Variants in NUBP1 observed in about 807,000 individuals in gnomAD.
NUBP1 encodes NUBP iron-sulfur cluster assembly factor 1, cytosolic, also known as cytosolic Fe-S cluster assembly factor NUBP1.
Under a neutral mutation model 41.8 loss-of-function variants are expected in NUBP1, and 46 were observed. The observed-to-expected ratio is 1.10, with a 90% CI of 0.87 to 1.41. NUBP1 has a LOEUF of 1.41. Among genes scored for constraint, NUBP1 ranks in the 40% most tolerant of loss-of-function variants. The pLI is 0.00. For missense variants in NUBP1, 494 were observed against 414.0 expected (o/e 1.19, Z -1.68); for synonymous variants, 189 against 154.6 (o/e 1.22, Z -1.65).
chr16:10,744,372 A>G (rs1222224809), intron 2 of NUBP1, among the ~76,000 whole-genome samples: 1 of 152,190 alleles, frequency 6.6e-6, no homozygotes, highest in Non-Finnish European at 1.5e-5. Context: ...TCGGGGCCAG[A>G]GGTTTGAGTG....
chr16:10,761,196 G>T, intron 7 of NUBP1, 168 bp from the exon 8 acceptor site: 1 of 563,820 alleles, frequency 1.8e-6, no homozygotes, highest in Non-Finnish European at 3.2e-6. Context: ...GGGGATTACA[G>T]TTCGAGCTGA....
Position 10,767,005 on chromosome 16 carries a change from G to A in NUBP1, c.821-944G>A, listed in dbSNP as rs567021035. ...ACCCCTCCCCACAGGCTTCTTCCCC[G>A]ACTTGGACTTCCCTGTCCCACAGGG... is the stretch of plus-strand genomic sequence containing the variant. On this transcript the variant is annotated intron_variant, in intron 9 of 10. Transcript: ENST00000283027. The surrounding 1 kb of genome is among the most constrained non-coding windows in gnomAD (Gnocchi z 4.6). 17 of 398,666 alleles carry A rather than the reference G, an allele frequency of 4.3e-5. No homozygotes were observed. The highest frequency in any genetic ancestry group is 2.5e-4 in the South Asian group (2 of 7,848). The allele number at this position is 398,666 out of a possible 1,614,324, so 24.7% of individuals were successfully genotyped here. A position where few individuals can be genotyped will look rare whatever the true frequency, so the allele number is the denominator to read the frequency against.
In NUBP1 at chr16:10,757,909, G is replaced by T; in HGVS notation, c.488G>T (p.Gly163Val). The change falls in exon 7 of 11, where the codon GGA becomes GTA. Residue 163 changes from glycine to valine, a missense_variant. Gly to Val is a moderately radical substitution (Grantham distance 109). Transcript: ENST00000283027. The surrounding 1 kb of genome is among the most constrained non-coding windows in gnomAD (Gnocchi z 4.1). ...CAGTTCCTCCGAGATGTGGACTGGG[G>T]AGAGGTCGACTACCTCATTGTGGAC... ...IKQFLRDVDWGEVDYLIVDTP... is the reference protein window; with the variant it reads ...IKQFLRDVDWVEVDYLIVDTP... 3 of 1,614,134 alleles carry T rather than the reference G, an allele frequency of 1.9e-6. No homozygotes were observed. Among genetic ancestry groups the T allele is most frequent in the Non-Finnish European group, 2.5e-6 (3 of 1,180,034 alleles).
rs777891618 is a variant in NUBP1, at chr16:10,759,330, C to G, written c.606+1303C>G. ...AAATGGTGCAAGATTCATGTCCACC[C>G]TGGCATCCTGCAGAGAGGGGACATG... is the stretch of plus-strand genomic sequence containing the variant. On this transcript the variant is annotated intron_variant, in intron 7 of 10. Coordinates refer to ENST00000283027, the MANE Select transcript of NUBP1 (RefSeq NM_002484.4). The surrounding 1 kb of genome is among the most constrained non-coding windows in gnomAD (Gnocchi z 4.7). Among the ~76,000 whole-genome samples the G allele has an allele frequency of 6.6e-6, 1 of 152,204 alleles. No individual in the cohort carries two copies. Among genetic ancestry groups the G allele is most frequent in the African/African-American group, 2.4e-5 (1 of 41,450 alleles).
At chr16:10,761,580 G>A in intron 8 of NUBP1, 106 bp downstream of exon 8, 2 of 1,101,760 alleles carry the variant, frequency 1.8e-6, no homozygotes, top group East Asian at 2.5e-5. Flanking sequence ...TGTCATTTTG[G>A]GAAGTGGAAT....
Position 10,758,036 on chromosome 16 carries a change from G to C in NUBP1, c.606+9G>C, listed in dbSNP as rs201743675. ...TCATCACCACTCCCCAGGTGAGCGA[G>C]CTGCCAGCTGGAGCTGGGTCCAAAC... On this transcript the variant is annotated intron_variant, in intron 7 of 10. Transcript: ENST00000283027. 1 of 1,610,830 alleles carries C rather than the reference G, an allele frequency of 6.2e-7. No individual in the cohort carries two copies. Among genetic ancestry groups the C allele is most frequent in the Non-Finnish European group, 8.5e-7 (1 of 1,177,606 alleles).
intron 9 of NUBP1, 68 bp downstream of exon 9, chr16:10,761,927 A>G (rs1250883190): frequency 1.6e-6 from 2 of 1,249,996 alleles, no homozygotes; most frequent in African/African-American, 3.0e-5. Context: ...GTCGGGCACA[A>G]CAGGGGGCGG....
intron 9 of NUBP1, among the ~76,000 whole-genome samples, chr16:10,763,305 G>A (rs995766942): frequency 3.9e-5 from 6 of 152,074 alleles, no homozygotes; most frequent in African/African-American, 1.4e-4. Flanking sequence ...CAGAAAGCGG[G>A]AGCCAGGAGG....
In NUBP1 at chr16:10,763,219, C is replaced by A. The variant is rs545859573; in HGVS notation, c.820+1360C>A. Among the ~76,000 whole-genome samples the A allele has an allele frequency of 3.9e-5, 6 of 152,088 alleles. No individual in the cohort carries two copies. The South Asian group carries it at 1.2e-3, about 32-fold the overall frequency. ...GTTGTCAGCAGGTTCTGGGGTCCGT[C>A]AGGAGAAGGTGGTTCATGTCCGTGC... is the stretch of plus-strand genomic sequence containing the variant. On this transcript the variant is annotated intron_variant, in intron 9 of 10. Coordinates refer to ENST00000283027, the MANE Select transcript of NUBP1 (RefSeq NM_002484.4).
intron 3 of NUBP1, among the ~76,000 whole-genome samples, chr16:10,751,957 C>T (rs1023900147): frequency 6.6e-6 from 1 of 152,208 alleles, no homozygotes; most frequent in Non-Finnish European, 1.5e-5. Context: ...CCCTCTGAAC[C>T]TCAGTTTCCT....
At chr16:10,750,093 GA>G (rs1464389693) in intron 3 of NUBP1, among the ~76,000 whole-genome samples, 1 of 152,214 alleles carries the variant, frequency 6.6e-6, no homozygotes, top group Non-Finnish European at 1.5e-5. Context: ...AGCTACTCAG[GA>G]GACTGAGGTA....
rs1412407645 is a variant in NUBP1, at chr16:10,749,275, A to G, written c.258+1999A>G. ...AAATCTGCTTTCTCAGATTGTCTGT[A>G]TCGTTTAGAAGAATCTTTGCTTTTC... On this transcript the variant is annotated intron_variant, in intron 3 of 10. Transcript: ENST00000283027. This position sits in a 1 kb window ranked among gnomAD's most constrained non-coding sequence, Gnocchi z 4.1. Among the ~76,000 whole-genome samples, 1 of 152,100 alleles carries G rather than the reference A, an allele frequency of 6.6e-6. No homozygotes were observed. Among genetic ancestry groups the G allele is most frequent in the Non-Finnish European group, 1.5e-5 (1 of 68,034 alleles).
In NUBP1 at chr16:10,749,630, A is replaced by G. The variant is rs138593520; in HGVS notation, c.258+2354A>G. Among the ~76,000 whole-genome samples, 197 of 152,346 alleles carry G rather than the reference A, an allele frequency of 1.3e-3. No homozygotes were observed. The highest frequency in any genetic ancestry group is 5.2e-3 in the Admixed American group (80 of 15,302). On this transcript the variant is annotated intron_variant, in intron 3 of 10. Transcript: ENST00000283027. The surrounding 1 kb of genome is among the most constrained non-coding windows in gnomAD (Gnocchi z 4.1). Reference sequence around the variant, plus strand: ...TATCTGCAAAGTGTCAACACATGGAAAATGCTGAATATGTCTTGATTAAAG... The same window carrying G: ...TATCTGCAAAGTGTCAACACATGGAGAATGCTGAATATGTCTTGATTAAAG...
chr16:10,767,935 G>C lies in NUBP1; in HGVS notation c.821-14G>C, dbSNP rs758741535. The stretch of plus-strand genomic sequence containing the variant: ...TCTTGGACTGAATTGTCTTCCGTTT[G>C]TTTCTTTTTTAAGGTAAGAATTGTG... On this transcript the variant is annotated splice_polypyrimidine_tract_variant and intron_variant, in intron 9 of 10. Transcript: ENST00000283027. This position sits in a 1 kb window ranked among gnomAD's most constrained non-coding sequence, Gnocchi z 4.6. 6.2e-7 allele frequency: 1 copy of C among 1,613,482 alleles called. No individual in the cohort carries two copies. Among genetic ancestry groups the C allele is most frequent in the Non-Finnish European group, 8.5e-7 (1 of 1,179,576 alleles).
chr16:10,756,705 C>G lies in NUBP1; in HGVS notation c.376C>G (p.Leu126Val). The change falls in exon 6 of 11, where the codon CTG becomes GTG. Residue 126 changes from leucine to valine, a missense_variant. Transcript: ENST00000283027. The part of the protein sequence containing the change: ...GWSPVYVEDN[L>V]GVMSVGFLLS... ...CCCTCTGCAGTACGTGGAAGACAAC[C>G]TGGGGGTGATGTCAGTGGGCTTCCT... is the stretch of plus-strand genomic sequence containing the variant. The G allele has an allele frequency of 1.9e-6, 3 of 1,572,968 alleles. No homozygotes were observed. Among genetic ancestry groups the G allele is most frequent in the South Asian group, 1.2e-5 (1 of 84,312 alleles).
chr16:10,756,240 A>G (rs2142715983), intron 5 of NUBP1, among the ~76,000 whole-genome samples: 1 of 152,250 alleles, frequency 6.6e-6, no homozygotes, highest in East Asian at 1.9e-4. Flanking sequence ...TTAGCCGAGC[A>G]TGGTGGCACG....
intron 3 of NUBP1, among the ~76,000 whole-genome samples, chr16:10,751,558 C>T (rs1353192293): frequency 6.6e-6 from 1 of 152,104 alleles, no homozygotes; most frequent in Non-Finnish European, 1.5e-5. Context: ...TAAAAAGTGA[C>T]GCGGAGGTGC....
At chr16:10,747,771 G>A (rs1296074676) in intron 3 of NUBP1, among the ~76,000 whole-genome samples, 1 of 152,224 alleles carries the variant, frequency 6.6e-6, no homozygotes, top group African/African-American at 2.4e-5. Flanking sequence ...GCTAGCAGAT[G>A]TACATCTGTC....
intron 3 of NUBP1, among the ~76,000 whole-genome samples, chr16:10,748,641 C>G (rs373846426): frequency 1.2e-4 from 18 of 152,252 alleles, no homozygotes; most frequent in Middle Eastern, 3.4e-3. Flanking sequence ...GCACTTAGCA[C>G]GGGGCCCGAC....
Sources: gnomAD v4.1 joint callset for allele counts (sites outside exome capture counted in the v4.1 genomes callset) on GRCh38, gnomAD v4.1.1 for gene constraint, Gnocchi (gnomAD v3.1) non-coding constraint, MANE v1.5 for transcripts, NCBI Gene and HGNC (gene_info 2026-07-23, HGNC 2026-07-21) for gene names.